Variants in PARVA observed in about 807,000 individuals in gnomAD.
PARVA encodes the protein alpha-parvin.
In PARVA, 25 loss-of-function variants were observed where a neutral mutation model predicts 52.6. The ratio of observed to expected loss-of-function variants is 0.48; its 90% CI spans 0.35 to 0.66. The LOEUF is 0.66. Among genes scored for constraint, PARVA ranks in the 30% least tolerant of loss-of-function variants. The probability of loss-of-function intolerance (pLI) is 0.01; values close to 1 mark genes in which losing one functional copy is unlikely to be tolerated. For synonymous variants in PARVA, 185 were observed against 179.1 expected, an observed-to-expected ratio of 1.03 and a Z score of -0.26; for missense variants, 373 against 450.9, an observed-to-expected ratio of 0.83 and a Z score of 1.56.
chr11:12,381,180 G>T (rs1381593245), intron 1 of PARVA, among the ~76,000 whole-genome samples: 3 of 152,194 alleles, frequency 2.0e-5, no homozygotes, highest in African/African-American at 7.2e-5. Flanking sequence ...GTATGTGCTG[G>T]ATCTCAATGA....
intron 4 of PARVA, among the ~76,000 whole-genome samples, chr11:12,491,367 T>C (rs1333302988): frequency 6.6e-6 from 1 of 152,112 alleles, no homozygotes; most frequent in Non-Finnish European, 1.5e-5. Context: ...AGGGTCTCGC[T>C]ATGTTGCCCA....
intron 1 of PARVA, among the ~76,000 whole-genome samples, chr11:12,448,136 T>C (rs1413360472): frequency 6.6e-6 from 1 of 152,150 alleles, no homozygotes; most frequent in Non-Finnish European, 1.5e-5. Flanking sequence ...TAACCTACCT[T>C]ACAGTAGAGA....
Position 12,390,275 on chromosome 11 carries a change from C to T in PARVA, c.136+12492C>T, listed in dbSNP as rs188526813. 3.9e-5 allele frequency among the ~76,000 whole-genome samples: 6 copies of T among 152,224 alleles called. No individual in the cohort carries two copies. In the East Asian group the frequency reaches 7.7e-4, roughly 20 times the overall value. On this transcript the variant is annotated intron_variant, in intron 1 of 12. Coordinates refer to ENST00000334956, the MANE Select transcript of PARVA (RefSeq NM_018222.5). ...CTTGGCTAGCATGGTTTTGGCCGTG[C>T]GATGTGTTGAGAGCCCCTGGTGGGG...
At chr11:12,508,753 T>A in intron 7 of PARVA, 111 bp downstream of exon 7, 1 of 857,134 alleles carries the variant, frequency 1.2e-6, no homozygotes, top group Non-Finnish European at 1.9e-6. Context: ...GCAGGAGGGA[T>A]TAGACTTCAG....
chr11:12,411,257 A>G (rs1249184327), intron 1 of PARVA, among the ~76,000 whole-genome samples: 9 of 152,208 alleles, frequency 5.9e-5, no homozygotes, highest in Admixed American at 5.2e-4. Context: ...GGTAAAAACC[A>G]CAATTACCTT....
intron 1 of PARVA, among the ~76,000 whole-genome samples, chr11:12,456,912 A>G (rs1940705146): frequency 6.6e-6 from 1 of 152,216 alleles, no homozygotes; most frequent in Non-Finnish European, 1.5e-5. Flanking sequence ...TCAAATGCAC[A>G]TTTAAATGAA....
chr11:12,505,093 C>T (rs1471481349), intron 6 of PARVA, among the ~76,000 whole-genome samples: 1 of 152,170 alleles, frequency 6.6e-6, no homozygotes, highest in East Asian at 1.9e-4. Context: ...GTGCTCTCTC[C>T]CTGTGACTAT....
chr11:12,443,788 A>G (rs888360154), intron 1 of PARVA, among the ~76,000 whole-genome samples: 1 of 152,068 alleles, frequency 6.6e-6, no homozygotes, highest in African/African-American at 2.4e-5. Context: ...CAATATGGCC[A>G]CCATTGCTGA....
chr11:12,524,960 T>C (rs1206387356), intron 12 of PARVA, among the ~76,000 whole-genome samples: 1 of 152,280 alleles, frequency 6.6e-6, no homozygotes, highest in African/African-American at 2.4e-5. Flanking sequence ...CAGGAAGGCC[T>C]CCCTCCAGGA....
chr11:12,377,822 C>T (rs1306771049), intron 1 of PARVA, 39 bp downstream of exon 1: 8 of 1,448,320 alleles, frequency 5.5e-6, no homozygotes, highest in Non-Finnish European at 7.3e-6. Flanking sequence ...CGGTAGGAGC[C>T]GGGGGTGCCG....
chr11:12,478,815 T>A (rs1031149017), intron 4 of PARVA: 1 of 152,176 alleles, frequency 6.6e-6, no homozygotes, highest in Non-Finnish European at 1.5e-5. Context: ...CCATCTCACC[T>A]CCTCCAACCT....
chr11:12,420,609 T>C (rs1278230922), intron 1 of PARVA, among the ~76,000 whole-genome samples: 1 of 152,336 alleles, frequency 6.6e-6, no homozygotes, highest in Admixed American at 6.5e-5. Flanking sequence ...GATTGTCCTT[T>C]AGGCTCAGAT....
intron 1 of PARVA, among the ~76,000 whole-genome samples, chr11:12,463,242 C>T (rs1017151565): frequency 2.6e-5 from 4 of 151,950 alleles, no homozygotes; most frequent in African/African-American, 9.6e-5. Flanking sequence ...ATTGATATTA[C>T]TATATTTTGT....
chr11:12,413,020 G>A (rs1316684819), intron 1 of PARVA, among the ~76,000 whole-genome samples: 2 of 152,120 alleles, frequency 1.3e-5, no homozygotes, highest in African/African-American at 4.8e-5. Flanking sequence ...TTTTTTTGTT[G>A]TGTTATTAAG....
At chr11:12,496,090 T>C (rs1219146001) in intron 4 of PARVA, among the ~76,000 whole-genome samples, 7 of 152,226 alleles carry the variant, frequency 4.6e-5, no homozygotes, top group Non-Finnish European at 7.3e-5. Context: ...ACAAAATGCC[T>C]TGACTAACTC....
In PARVA at chr11:12,434,120, G is replaced by A. The variant is rs1940354655; in HGVS notation, c.137-39625G>A. On this transcript the variant is annotated intron_variant, in intron 1 of 12. Transcript: ENST00000334956. ...ATCCAAGGTTGGCCTTAGGACTTGT[G>A]TGCAGGCTACCTTCAAATTCTGATT... is the stretch of plus-strand genomic sequence containing the variant. Among the ~76,000 whole-genome samples the A allele has an allele frequency of 2.0e-5, 3 of 152,322 alleles. No homozygotes were observed. In the South Asian group the frequency reaches 6.2e-4, roughly 32 times the overall value.
chr11:12,389,869 G>A (rs1165655607), intron 1 of PARVA, among the ~76,000 whole-genome samples: 1 of 152,212 alleles, frequency 6.6e-6, no homozygotes, highest in African/African-American at 2.4e-5. Context: ...ACTGGAGGAC[G>A]TGGATGCTCT....
chr11:12,464,948 A>G (rs1940834370), intron 1 of PARVA, among the ~76,000 whole-genome samples: 1 of 152,198 alleles, frequency 6.6e-6, no homozygotes, highest in African/African-American at 2.4e-5. Flanking sequence ...ACCTCAGATC[A>G]TTAGGCATTA....
At chr11:12,377,239 C>T (rs938303203), upstream of PARVA, 3 of 376,146 alleles carry the variant, frequency 8.0e-6, no homozygotes, top group South Asian at 1.6e-4. Flanking sequence ...TGGAAGACCC[C>T]GGGAGAGTAG....
Sources: gnomAD v4.1 joint callset for allele counts (sites outside exome capture counted in the v4.1 genomes callset) on GRCh38, gnomAD v4.1.1 for gene constraint, MANE v1.5 for transcripts, NCBI Gene and HGNC (gene_info 2026-07-23, HGNC 2026-07-21) for gene names.